KAZN: variants seen among roughly 807,000 people sequenced by gnomAD.
KAZN encodes kazrin.
A neutral mutation model predicts 87.4 loss-of-function variants in KAZN; 40 were observed. That is an observed-to-expected ratio of 0.46 (90% CI 0.36 to 0.60). The LOEUF (loss-of-function observed/expected upper bound fraction) is 0.60, where lower values mean the gene tolerates loss of function less well. Among genes scored for constraint, KAZN ranks in the 20% least tolerant of loss-of-function variants. KAZN has a pLI of 0.00. For synonymous variants in KAZN, 466 were observed against 458.3 expected (o/e 1.02, Z -0.22); for missense variants, 898 against 1,073.9 (o/e 0.84, Z 2.29).
intron 1 of KAZN, among the ~76,000 whole-genome samples, chr1:14,053,601 A>G (rs918853187): frequency 1.3e-5 from 2 of 152,210 alleles, no homozygotes; most frequent in African/African-American, 4.8e-5. Flanking sequence ...TCTGATCACA[A>G]CCCAGAACTA....
At chr1:14,550,748 CG>C (rs1264081634) in intron 2 of KAZN, among the ~76,000 whole-genome samples, 2,095 of 72,606 alleles carry the variant, frequency 0.029, 54 homozygotes, top group Non-Finnish European at 0.046. Flanking sequence ...TCCCCCACCC[CG>C]CCACCCCCTC....
chr1:15,002,620 T>A (rs1457160874), intron 2 of KAZN, among the ~76,000 whole-genome samples: 1 of 152,208 alleles, frequency 6.6e-6, no homozygotes, highest in Non-Finnish European at 1.5e-5. Context: ...ATTGTCATCA[T>A]CTTGCCAAGT....
At chr1:14,112,769 G>A (rs145802039) in intron 1 of KAZN, among the ~76,000 whole-genome samples, 8 of 152,290 alleles carry the variant, frequency 5.3e-5, no homozygotes, top group African/African-American at 1.9e-4. Flanking sequence ...TGATGACTAG[G>A]CTGGCTGTGC....
chr1:14,483,414 T>A (rs1023939494), intron 2 of KAZN, among the ~76,000 whole-genome samples: 1 of 152,120 alleles, frequency 6.6e-6, no homozygotes, highest in Non-Finnish European at 1.5e-5. Context: ...ACATAAGACA[T>A]GAATCAATCC....
At chr1:14,944,889 G>C (rs1487852993) in intron 1 of KAZN, among the ~76,000 whole-genome samples, 2 of 152,220 alleles carry the variant, frequency 1.3e-5, no homozygotes, top group Non-Finnish European at 2.9e-5. Context: ...CAGGGCAGGA[G>C]GCCTCTTGCC....
intron 1 of KAZN, among the ~76,000 whole-genome samples, chr1:13,981,009 G>A (rs1638637606): frequency 6.9e-6 from 1 of 144,626 alleles, no homozygotes; most frequent in Admixed American, 7.2e-5. Flanking sequence ...TTATGAGTCA[G>A]CTCATGCATT....
intron 2 of KAZN, among the ~76,000 whole-genome samples, chr1:14,182,315 G>A (rs756232024): frequency 2.0e-4 from 31 of 152,136 alleles, no homozygotes; most frequent in Non-Finnish European, 3.7e-4. Context: ...CTGAAGGTAG[G>A]TGTCTACCTG....
intron 2 of KAZN, among the ~76,000 whole-genome samples, chr1:14,366,242 A>G (rs547327103): frequency 6.6e-6 from 1 of 152,346 alleles, no homozygotes; most frequent in Admixed American, 6.5e-5. Flanking sequence ...ATTTTTGTCT[A>G]TGGCTCTTAT....
At chr1:14,185,147 A>G (rs1000312775) in intron 2 of KAZN, among the ~76,000 whole-genome samples, 1 of 152,108 alleles carries the variant, frequency 6.6e-6, no homozygotes, top group African/African-American at 2.4e-5. Flanking sequence ...GCGGCTATGG[A>G]TGGTACCGCA....
chr1:15,073,754 G>A (rs909484097), intron 8 of KAZN, among the ~76,000 whole-genome samples: 2 of 152,206 alleles, frequency 1.3e-5, no homozygotes, highest in Non-Finnish European at 1.5e-5. Context: ...AGGTCCATCC[G>A]ACTCCTCCTG....
At chr1:13,947,646 T>C (rs1360337274) in intron 1 of KAZN, among the ~76,000 whole-genome samples, 1 of 152,194 alleles carries the variant, frequency 6.6e-6, no homozygotes, top group Non-Finnish European at 1.5e-5. Flanking sequence ...TACTTCAGAC[T>C]GGGGGCTTAA....
At chr1:14,566,744 GC>G in intron 2 of KAZN, among the ~76,000 whole-genome samples, 1 of 152,264 alleles carries the variant, frequency 6.6e-6, no homozygotes, top group East Asian at 1.9e-4. Flanking sequence ...TTACACCAAT[GC>G]CTTTTTTCCT....
At chr1:14,380,970 AGTAG>A (rs1661316331) in intron 2 of KAZN, among the ~76,000 whole-genome samples, 1 of 152,226 alleles carries the variant, frequency 6.6e-6, no homozygotes, top group African/African-American at 2.4e-5. Context: ...GGATCCTAAA[AGTAG>A]TGAGAGAAAA....
chr1:14,342,746 C>T (rs1571344270), intron 2 of KAZN, among the ~76,000 whole-genome samples: 1 of 152,194 alleles, frequency 6.6e-6, no homozygotes, highest in Non-Finnish European at 1.5e-5. Flanking sequence ...CAAGTCAGCA[C>T]ATTCAGAAAC....
In KAZN at chr1:14,331,070, C is replaced by G. The variant is rs1358046468; in HGVS notation, c.249+150478C>G. Reference sequence around the variant, plus strand: ...AGACTCCCTTGCAGCTAAGATTTGCCCAATGGTGTGAGCATAAGAGATAGG... The same window carrying G: ...AGACTCCCTTGCAGCTAAGATTTGCGCAATGGTGTGAGCATAAGAGATAGG... On this transcript the variant is annotated intron_variant, in intron 2 of 16. Transcript: ENST00000636203. Among the ~76,000 whole-genome samples, 5 of 152,172 alleles carry G rather than the reference C, an allele frequency of 3.3e-5. No homozygotes were observed. The East Asian group carries it at 9.7e-4, about 29-fold the overall frequency.
chr1:14,640,917 A>T (rs1680364477), intron 1 of KAZN, among the ~76,000 whole-genome samples: 2 of 152,280 alleles, frequency 1.3e-5, no homozygotes, highest in South Asian at 4.1e-4. Flanking sequence ...TTCCACCAGC[A>T]CATCCCTGTG....
intron 1 of KAZN, among the ~76,000 whole-genome samples, chr1:14,887,865 C>T (rs895287824): frequency 3.4e-4 from 51 of 151,902 alleles, no homozygotes; most frequent in African/African-American, 1.2e-3. Context: ...TTCTCATGCC[C>T]CCCTCTCTCT....
intron 1 of KAZN, among the ~76,000 whole-genome samples, chr1:14,124,581 A>C (rs1392966778): frequency 6.6e-6 from 1 of 152,214 alleles, no homozygotes; most frequent in Non-Finnish European, 1.5e-5. Flanking sequence ...TTAAACTCAC[A>C]CAGAAAAAGA....
intron 1 of KAZN, among the ~76,000 whole-genome samples, chr1:14,135,078 G>A (rs1189433432): frequency 3.3e-5 from 5 of 151,668 alleles, no homozygotes; most frequent in Non-Finnish European, 7.4e-5. Context: ...TGCAGTTTTT[G>A]TTATTAAAAG....
Sources: allele counts gnomAD v4.1 joint callset (sites outside exome capture counted in the v4.1 genomes callset), GRCh38; gene constraint gnomAD v4.1.1; transcripts MANE v1.5; gene names NCBI Gene and HGNC (gene_info 2026-07-23, HGNC 2026-07-21).